Variants in TMEM68 observed in about 807,000 individuals in gnomAD.
TMEM68 encodes transmembrane protein 68, also known as DGAT1/2-independent enzyme synthesizing storage lipids.
TMEM68 carries 25 observed loss-of-function variants against 36.9 expected under a neutral mutation model. The ratio of observed to expected loss-of-function variants is 0.68; its 90% CI spans 0.49 to 0.95. The LOEUF is 0.95. Among genes scored for constraint, TMEM68 ranks in the 40% least tolerant of loss-of-function variants. The pLI, the probability that TMEM68 is intolerant of heterozygous loss-of-function variation, is 0.00. For missense variants in TMEM68, 333 were observed against 392.0 expected, an observed-to-expected ratio of 0.85 and a Z score of 1.27; for synonymous variants, 131 against 124.4, an observed-to-expected ratio of 1.05 and a Z score of -0.35.
At chr8:55,764,445 T>C (rs1482272378) in intron 1 of TMEM68, among the ~76,000 whole-genome samples, 1 of 152,230 alleles carries the variant, frequency 6.6e-6, no homozygotes, top group Non-Finnish European at 1.5e-5. Context: ...CATTATTCCA[T>C]ACTATATAAT....
intron 1 of TMEM68, among the ~76,000 whole-genome samples, chr8:55,765,018 G>C (rs1380560612): frequency 2.6e-5 from 4 of 152,150 alleles, no homozygotes; most frequent in African/African-American, 9.7e-5. Flanking sequence ...GTTGCAGCGA[G>C]CCGAGATTGC....
At chr8:55,752,725 T>C (rs1309490002) in intron 4 of TMEM68, among the ~76,000 whole-genome samples, 1 of 147,664 alleles carries the variant, frequency 6.8e-6, no homozygotes, top group Non-Finnish European at 1.5e-5. Flanking sequence ...GGATCCCTTT[T>C]TTTTTTTTTT....
At chr8:55,753,472 T>C (rs561588168) in intron 4 of TMEM68, among the ~76,000 whole-genome samples, 47 of 152,326 alleles carry the variant, frequency 3.1e-4, no homozygotes, top group African/African-American at 1.1e-3. Flanking sequence ...AAATCTACTA[T>C]AGTGATCATG....
At chr8:55,770,436 A>G (rs918996650) in intron 1 of TMEM68, among the ~76,000 whole-genome samples, 6 of 152,198 alleles carry the variant, frequency 3.9e-5, no homozygotes, top group African/African-American at 7.2e-5. Context: ...ACAGTTTTCG[A>G]GGCCAAGGTG....
At chr8:55,768,907 T>C (rs932107161) in intron 1 of TMEM68, among the ~76,000 whole-genome samples, 3 of 150,446 alleles carry the variant, frequency 2.0e-5, no homozygotes, top group Non-Finnish European at 4.4e-5. Context: ...TCCCAGCCAC[T>C]TGGGAGGCTG....
Position 55,757,219 on chromosome 8 carries a change from A to G in TMEM68, c.326-808T>C, listed in dbSNP as rs552014725. On this transcript the variant is annotated intron_variant, in intron 3 of 7. Transcript: ENST00000434581. ...CTTTTTTTCTTAAGCATGTCAGAGA[A>G]CAGAGGTCACAAGGCAACCAGGCGA... Among the ~76,000 whole-genome samples the G allele has an allele frequency of 2.8e-4, 43 of 152,346 alleles. No homozygotes were observed. In the South Asian group the frequency reaches 8.3e-3, roughly 29 times the overall value.
intron 4 of TMEM68, among the ~76,000 whole-genome samples, chr8:55,752,672 TG>T (rs1160301669): frequency 6.6e-6 from 1 of 150,524 alleles, no homozygotes; most frequent in African/African-American, 2.4e-5. Context: ...TCATAATGAA[TG>T]AATGAACAGG....
In TMEM68 at chr8:55,762,825, C is replaced by A; in HGVS notation, c.135G>T (p.Leu45Phe). ...AAAGTATTAGTGGTGTAAAAACCCA[C>A]AAGAGATAGTTTGCAAAATTCAAAT... Reference protein sequence around the residue: ...EDYLNFANYLLWVFTPLILLI... With the variant: ...EDYLNFANYLFWVFTPLILLI... Residue 45 changes from leucine to phenylalanine, a missense_variant, in exon 3 of 8, where the codon TTG (leucine) becomes TTT (phenylalanine). Transcript: ENST00000434581. The A allele has an allele frequency of 6.2e-7, 1 of 1,614,138 alleles. No homozygotes were observed. The highest frequency in any genetic ancestry group is 2.2e-5 in the East Asian group (1 of 44,872).
chr8:55,754,875 ATATATT>A (rs1449547523), intron 4 of TMEM68, among the ~76,000 whole-genome samples: 1 of 136,060 alleles, frequency 7.3e-6, no homozygotes, highest in South Asian at 2.1e-4. Context: ...AATATATAGT[ATATATT>A]TATATTATAT....
chr8:55,743,763 G>A, intron 6 of TMEM68, 143 bp from the exon 7 acceptor site: 1 of 688,638 alleles, frequency 1.5e-6, no homozygotes, highest in Admixed American at 3.5e-5. Flanking sequence ...TTTTTAAAAA[G>A]AAGAGCTTTT....
intron 7 of TMEM68, among the ~76,000 whole-genome samples, chr8:55,742,031 G>A (rs1326851264): frequency 6.6e-6 from 1 of 152,122 alleles, no homozygotes; most frequent in Non-Finnish European, 1.5e-5. Context: ...ACTGCAGCCA[G>A]GGTTACAGAG....
chr8:55,750,750 G>A (rs982426521), intron 5 of TMEM68: 11 of 431,502 alleles, frequency 2.5e-5, no homozygotes, highest in Admixed American at 4.4e-5. Flanking sequence ...ATGTTGGCCA[G>A]GCTGGTCTCA....
At chr8:55,742,261 T>G (rs907418401) in intron 7 of TMEM68, among the ~76,000 whole-genome samples, 2 of 152,170 alleles carry the variant, frequency 1.3e-5, no homozygotes, top group African/African-American at 4.8e-5. Context: ...GGGAAGTTGG[T>G]GTTCAACAGG....
chr8:55,755,357 T>C (rs7818283), intron 4 of TMEM68, among the ~76,000 whole-genome samples: 129,789 of 151,210 alleles, frequency 0.86, 55,877 homozygotes, highest in East Asian at 0.99. Context: ...ACCTCTGCCT[T>C]CCGGGTTCAA....
At chr8:55,756,980 AG>A (rs11303428) in intron 3 of TMEM68, among the ~76,000 whole-genome samples, 132,262 of 151,966 alleles carry the variant, frequency 0.87, 57,621 homozygotes, top group East Asian at 0.99. Context: ...CATGAGTTGT[AG>A]GGGAAGGCAG....
intron 6 of TMEM68, 133 bp downstream of exon 6, chr8:55,744,928 T>G (rs1045610386): frequency 1.3e-5 from 7 of 534,674 alleles, no homozygotes; most frequent in Non-Finnish European, 1.8e-5. Context: ...ATTTGGACTT[T>G]AAACAGAAAA....
chr8:55,760,794 A>G (rs530675098), intron 3 of TMEM68: 1 of 152,326 alleles, frequency 6.6e-6, no homozygotes, highest in African/African-American at 2.4e-5. Flanking sequence ...AAATAATTTA[A>G]TGATATTCCA....
At chr8:55,743,803 T>A (rs1188654309) in intron 6 of TMEM68, among the ~76,000 whole-genome samples, 183 bp from the exon 7 acceptor site, 1 of 152,106 alleles carries the variant, frequency 6.6e-6, no homozygotes, top group African/African-American at 2.4e-5. Flanking sequence ...ATCACACCAA[T>A]GCAAGATATT....
chr8:55,767,809 C>G (rs1470329827), intron 1 of TMEM68, among the ~76,000 whole-genome samples: 1 of 152,092 alleles, frequency 6.6e-6, no homozygotes, highest in Non-Finnish European at 1.5e-5. Context: ...TGGTGTCGCA[C>G]GCCTATAGTC....
Sources: allele counts gnomAD v4.1 joint callset (sites outside exome capture counted in the v4.1 genomes callset), GRCh38; gene constraint gnomAD v4.1.1; transcripts MANE v1.5; gene names NCBI Gene and HGNC (gene_info 2026-07-23, HGNC 2026-07-21).